Variants in ANG observed in about 807,000 individuals in gnomAD.
The protein encoded by ANG is angiogenin.
For synonymous variants in ANG, 74 were observed against 73.8 expected, an observed-to-expected ratio of 1.00 and a Z score of -0.02; for missense variants, 178 against 187.4, an observed-to-expected ratio of 0.95 and a Z score of 0.29.
rs957750904 is a variant in ANG at position 20,693,684 on chromosome 14, C to A, written c.120C>A (p.Ala40=). The A allele has an allele frequency of 1.9e-6, 3 of 1,614,140 alleles. No homozygotes were observed. The highest frequency in any genetic ancestry group is 2.5e-6 in the Non-Finnish European group (3 of 1,180,034). ...ACTTCCTGACCCAGCACTATGATGC[C>A]AAACCACAGGGCCGGGATGACAGAT... ...YTHFLTQHYD[A]KPQGRDDRYC... The change falls in exon 2 of 2, where the codon GCC becomes GCA. Residue 40 remains alanine (A), a synonymous_variant. Coordinates refer to ENST00000397990, the MANE Select transcript of ANG (RefSeq NM_001097577.3).
At chr14:20,687,873 G>A (rs776315534), upstream of ANG, among the ~76,000 whole-genome samples, 32 of 152,296 alleles carry the variant, frequency 2.1e-4, no homozygotes, top group Admixed American at 3.9e-4. Flanking sequence ...GACAACAGAG[G>A]ATTGAGGATT....
At chr14:20,688,990 T>C (rs1370124015) in intron 1 of ANG, 116 bp downstream of exon 1, 1 of 430,068 alleles carries the variant, frequency 2.3e-6, no homozygotes. Context: ...AAAAAGAAAA[T>C]GGATCAGATT....
At chr14:20,686,897 C>G (rs1226950913), upstream of ANG, among the ~76,000 whole-genome samples, 1 of 152,144 alleles carries the variant, frequency 6.6e-6, no homozygotes, top group Non-Finnish European at 1.5e-5. Flanking sequence ...CATATATACT[C>G]TGTATGAAGG....
chr14:20,693,396 G>A, intron 1 of ANG, 151 bp from the exon 2 acceptor site: 1 of 995,756 alleles, frequency 1.0e-6, no homozygotes, highest in Non-Finnish European at 1.5e-6. Context: ...CGAAGTGTGA[G>A]GTTAATGAGG....
At chr14:20,689,508 G>A (rs2139007002) in intron 1 of ANG, among the ~76,000 whole-genome samples, 1 of 152,320 alleles carries the variant, frequency 6.6e-6, no homozygotes, top group South Asian at 2.1e-4. Context: ...TAACTCCCTG[G>A]TGTGTAAAAT....
chr14:20,684,255 G>C (rs1886314564), upstream of ANG: 1 of 152,274 alleles, frequency 6.6e-6, no homozygotes, highest in Non-Finnish European at 1.5e-5. Flanking sequence ...AGTTTCATGG[G>C]TTCCTGGACG....
upstream of ANG, among the ~76,000 whole-genome samples, chr14:20,686,300 C>T (rs926450395): frequency 2.0e-5 from 3 of 152,144 alleles, no homozygotes; most frequent in African/African-American, 4.8e-5. Flanking sequence ...TGGAAAAAAT[C>T]ATTCCAGGAA....
intron 1 of ANG, among the ~76,000 whole-genome samples, chr14:20,690,413 C>A (rs17242776): frequency 6.6e-6 from 1 of 152,034 alleles, no homozygotes; most frequent in Non-Finnish European, 1.5e-5. Flanking sequence ...TTTTACACCA[C>A]AAACGATCTG....
Position 20,688,800 on chromosome 14 carries a change from T to C in ANG, c.-93T>C, listed in dbSNP as rs1394561381. On this transcript the variant is annotated 5_prime_UTR_variant, in exon 1 of 2. Transcript: ENST00000397990. ...CAGGTTCACACAACTGGAACCCATC[T>C]CCAGGAACAAACAGCTGGAACCCAT... 4 of 985,366 alleles carry C rather than the reference T, an allele frequency of 4.1e-6. No individual in the cohort carries two copies. Among genetic ancestry groups the C allele is most frequent in the Non-Finnish European group, 3.6e-6 (3 of 829,922 alleles). The allele number at this position is 985,366 out of a possible 1,614,324, so 61.0% of individuals were successfully genotyped here.
rs564314743 is a variant in ANG, at chr14:20,689,671, CT to C, written c.-19+800del. Among the ~76,000 whole-genome samples the C allele has an allele frequency of 2.2e-4, 33 of 152,284 alleles. No homozygotes were observed. In the South Asian group the frequency reaches 4.1e-3, roughly 19 times the overall value. On this transcript the variant is annotated intron_variant, in intron 1 of 1. Transcript: ENST00000397990. Reference sequence around the variant, plus strand: ...GTGGCTCACACCTGTAATCCCCGCACTTTGGGAAGCCGAGGTAGCCGGATCA... The same window carrying C: ...GTGGCTCACACCTGTAATCCCCGCACTTGGGAAGCCGAGGTAGCCGGATCA...
rs1217089813 is a variant in ANG, at chr14:20,693,882, G to A, written c.318G>A (p.Lys106=). 9.9e-6 allele frequency: 16 copies of A among 1,614,186 alleles called. No homozygotes were observed. Among genetic ancestry groups the A allele is most frequent in the Non-Finnish European group, 1.4e-5 (16 of 1,180,028 alleles). ...CTTCTTTCCAGGTCACCACTTGCAA[G>A]CTACATGGAGGTTCCCCCTGGCCTC... is the stretch of plus-strand genomic sequence containing the variant. ...SKSSFQVTTC[K]LHGGSPWPPC... Residue 106 remains lysine (K), a synonymous_variant, in exon 2 of 2, where the codon AAG becomes AAA. Transcript: ENST00000397990.
At chr14:20,692,646 CT>C (rs1436072512) in intron 1 of ANG, among the ~76,000 whole-genome samples, 1 of 152,172 alleles carries the variant, frequency 6.6e-6, no homozygotes, top group Non-Finnish European at 1.5e-5. Flanking sequence ...CAATTTCATC[CT>C]GAAACCATCC....
chr14:20,690,317 T>G (rs1886678095), intron 1 of ANG, among the ~76,000 whole-genome samples: 1 of 150,260 alleles, frequency 6.7e-6, no homozygotes, highest in African/African-American at 2.5e-5. Flanking sequence ...TGACAGACAG[T>G]TACGTGTTTG....
chr14:20,684,879 G>C (rs1594199624), upstream of ANG: 1 of 152,216 alleles, frequency 6.6e-6, no homozygotes, highest in Non-Finnish European at 1.5e-5. Flanking sequence ...TTTGCGGGAC[G>C]GGGCTGGAGA....
At chr14:20,684,627 G>A (rs1886334796), upstream of ANG, 1 of 152,366 alleles carries the variant, frequency 6.6e-6, no homozygotes, top group South Asian at 2.1e-4. Flanking sequence ...TAGATGCAAA[G>A]CAGGATTCAA....
upstream of ANG, among the ~76,000 whole-genome samples, chr14:20,685,948 G>A (rs926067856): frequency 1.3e-4 from 20 of 151,956 alleles, no homozygotes; most frequent in African/African-American, 4.1e-4. Context: ...GCTGAGACAG[G>A]AGACTCTCTT....
At chr14:20,686,972 G>A (rs566979141), upstream of ANG, among the ~76,000 whole-genome samples, 8 of 152,240 alleles carry the variant, frequency 5.3e-5, no homozygotes, top group Non-Finnish European at 8.8e-5. Context: ...CTGTGTGCAG[G>A]GACATTATTG....
upstream of ANG, among the ~76,000 whole-genome samples, chr14:20,686,032 T>C (rs1167353009): frequency 8.4e-6 from 1 of 118,882 alleles, no homozygotes; most frequent in Non-Finnish European, 1.7e-5. Context: ...AGAGCAAGAC[T>C]CCGTCTTAAA....
chr14:20,688,778 G>T lies in ANG; in HGVS notation c.-115G>T. The T allele has an allele frequency of 1.0e-6, 1 of 985,324 alleles. No individual in the cohort carries two copies. Among genetic ancestry groups the T allele is most frequent in the Non-Finnish European group, 1.2e-6 (1 of 829,894 alleles). The allele number at this position is 985,324 out of a possible 1,614,324, so 61.0% of individuals were successfully genotyped here. A position where few individuals can be genotyped will look rare whatever the true frequency, so the allele number is the denominator to read the frequency against. On this transcript the variant is annotated 5_prime_UTR_variant, in exon 1 of 2. Transcript: ENST00000397990. ...AATCAGAACCTGGAGAGGCCTCCAG[G>T]TTCACACAACTGGAACCCATCTCCA... is the stretch of plus-strand genomic sequence containing the variant.
Sources: gnomAD v4.1 joint callset for allele counts (sites outside exome capture counted in the v4.1 genomes callset) on GRCh38, gnomAD v4.1.1 for gene constraint, MANE v1.5 for transcripts, NCBI Gene and HGNC (gene_info 2026-07-23, HGNC 2026-07-21) for gene names.